XPR1: variants seen among roughly 807,000 people sequenced by gnomAD.
XPR1 encodes solute carrier family 53 member 1.
A neutral mutation model predicts 87.5 loss-of-function variants in XPR1; 28 were observed. The observed-to-expected ratio is 0.32, with a 90% CI of 0.24 to 0.44. XPR1 has a LOEUF of 0.44. Among genes scored for constraint, XPR1 ranks in the 20% least tolerant of loss-of-function variants. XPR1 has a pLI of 1.00. For synonymous variants in XPR1, 300 were observed against 306.1 expected (o/e 0.98, Z 0.21); for missense variants, 559 against 862.3 (o/e 0.65, Z 4.41).
intron 2 of XPR1, among the ~76,000 whole-genome samples, chr1:180,726,818 G>T (rs1658368291): frequency 2.0e-5 from 3 of 151,804 alleles, no homozygotes; most frequent in African/African-American, 7.3e-5. Context: ...ATGTTAACAT[G>T]TAATGGATTT....
intron 2 of XPR1, among the ~76,000 whole-genome samples, chr1:180,702,162 A>C (rs1458324694): frequency 1.2e-5 from 1 of 82,138 alleles, no homozygotes; most frequent in Non-Finnish European, 2.3e-5. Context: ...GTTTCAAAGA[A>C]CATCTTTATT....
intron 2 of XPR1, among the ~76,000 whole-genome samples, chr1:180,741,571 C>T (rs752899502): frequency 2.0e-5 from 3 of 152,000 alleles, no homozygotes; most frequent in African/African-American, 2.4e-5. Flanking sequence ...CTGCAACCTC[C>T]GCCTCCTGGG....
intron 2 of XPR1, among the ~76,000 whole-genome samples, chr1:180,726,288 G>A (rs926761048): frequency 7.2e-5 from 11 of 152,214 alleles, no homozygotes; most frequent in Non-Finnish European, 1.2e-4. Flanking sequence ...GGGAATAAAA[G>A]CTGGCCACCC....
intron 1 of XPR1, among the ~76,000 whole-genome samples, chr1:180,642,389 T>TAG (rs1654987348): frequency 6.6e-6 from 1 of 152,110 alleles, no homozygotes; most frequent in Non-Finnish European, 1.5e-5. Context: ...TGAAACCAGT[T>TAG]TACTAAGTAT....
chr1:180,634,123 C>T (rs11804145), intron 1 of XPR1, among the ~76,000 whole-genome samples: 1 of 152,174 alleles, frequency 6.6e-6, no homozygotes, highest in Admixed American at 6.5e-5. Flanking sequence ...TGGGACTCCT[C>T]ATTCACATAG....
chr1:180,820,726 T>C lies in XPR1; in HGVS notation c.764-4027T>C, dbSNP rs146498651. ...TCTGCACATCCTTGCCAACACTTGT[T>C]TTCTATGTTTTTGTTTTCTTCATTA... On this transcript the variant is annotated intron_variant, in intron 7 of 14. Transcript: ENST00000367590. Among the ~76,000 whole-genome samples, 25 of 152,334 alleles carry C rather than the reference T, an allele frequency of 1.6e-4. No individual in the cohort carries two copies. The East Asian group carries it at 4.8e-3, about 29-fold the overall frequency.
intron 2 of XPR1, among the ~76,000 whole-genome samples, chr1:180,785,746 G>A (rs1355512695): frequency 1.3e-5 from 2 of 151,798 alleles, no homozygotes; most frequent in Non-Finnish European, 2.9e-5. Context: ...TCTGTTAAGA[G>A]GAAAACACAG....
chr1:180,754,759 G>A (rs540323775), intron 2 of XPR1, among the ~76,000 whole-genome samples: 1 of 152,138 alleles, frequency 6.6e-6, no homozygotes, highest in African/African-American at 2.4e-5. Context: ...ATCGGGCCCG[G>A]CCTCCTTTCT....
intron 1 of XPR1, among the ~76,000 whole-genome samples, chr1:180,671,247 T>TA (rs1449104992): frequency 6.6e-6 from 1 of 152,194 alleles, no homozygotes; most frequent in Non-Finnish European, 1.5e-5. Context: ...AGAATCGGGC[T>TA]ACTGCTTTGG....
chr1:180,765,585 C>T (rs1648253148), intron 2 of XPR1, among the ~76,000 whole-genome samples: 1 of 152,112 alleles, frequency 6.6e-6, no homozygotes, highest in Non-Finnish European at 1.5e-5. Flanking sequence ...GCCCATGTTC[C>T]TTATATAAAA....
intron 1 of XPR1, among the ~76,000 whole-genome samples, chr1:180,671,630 T>G (rs1656178935): frequency 6.6e-6 from 1 of 152,144 alleles, no homozygotes. Flanking sequence ...GTTCAAATGA[T>G]TCTCTTGCCT....
intron 2 of XPR1, among the ~76,000 whole-genome samples, chr1:180,752,378 A>G (rs955016737): frequency 6.6e-6 from 1 of 152,160 alleles, no homozygotes; most frequent in African/African-American, 2.4e-5. Flanking sequence ...ATGCATATGA[A>G]AATTTGGATT....
At chr1:180,808,592 A>G (rs6672886) in intron 6 of XPR1, among the ~76,000 whole-genome samples, 6,552 of 152,274 alleles carry the variant, frequency 0.043, 504 homozygotes, top group African/African-American at 0.15. Flanking sequence ...AAGAACTCCA[A>G]TACTCAATAG....
At chr1:180,803,695 G>C (rs549559589) in intron 4 of XPR1, 84 bp downstream of exon 4, 2 of 1,197,808 alleles carry the variant, frequency 1.7e-6, no homozygotes, top group African/African-American at 3.0e-5. Flanking sequence ...AGTATTACCA[G>C]TGGGTCAGTT....
chr1:180,636,826 C>T lies in XPR1; in HGVS notation c.69+4556C>T, dbSNP rs551114061. Among the ~76,000 whole-genome samples, 6 of 152,106 alleles carry T rather than the reference C, an allele frequency of 3.9e-5. No homozygotes were observed. In the East Asian group the frequency reaches 1.2e-3, roughly 29 times the overall value. On this transcript the variant is annotated intron_variant, in intron 1 of 14. Transcript: ENST00000367590. ...CAGCACTTTGGGAGGCCGAGGCAGGCGGATCACTTGAGGTCAAGAGATTGA... is the reference window on the plus strand; with the variant it reads ...CAGCACTTTGGGAGGCCGAGGCAGGTGGATCACTTGAGGTCAAGAGATTGA...
intron 11 of XPR1, among the ~76,000 whole-genome samples, chr1:180,839,945 C>T (rs931397139): frequency 5.3e-5 from 8 of 151,272 alleles, no homozygotes; most frequent in Admixed American, 1.3e-4. Context: ...TGCCCTCGGC[C>T]GGGCGCGGTG....
intron 1 of XPR1, among the ~76,000 whole-genome samples, chr1:180,666,285 A>G (rs558530379): frequency 1.3e-5 from 2 of 152,322 alleles, no homozygotes; most frequent in East Asian, 1.9e-4. Flanking sequence ...TTGAGATTCC[A>G]TATGAATTTG....
chr1:180,772,477 G>T (rs1648552857), intron 2 of XPR1, among the ~76,000 whole-genome samples: 1 of 152,146 alleles, frequency 6.6e-6, no homozygotes, highest in Admixed American at 6.6e-5. Flanking sequence ...ATATGTGTGT[G>T]TGTGTGTCTG....
At chr1:180,835,128 G>A (rs1425716369) in intron 10 of XPR1, 83 bp downstream of exon 10, 2 of 1,434,532 alleles carry the variant, frequency 1.4e-6, no homozygotes, top group African/African-American at 2.9e-5. Context: ...GAAAGTTAAG[G>A]TCATGATGAA....
Sources: gnomAD v4.1 joint callset for allele counts (sites outside exome capture counted in the v4.1 genomes callset) on GRCh38, gnomAD v4.1.1 for gene constraint, MANE v1.5 for transcripts, NCBI Gene and HGNC (gene_info 2026-07-23, HGNC 2026-07-21) for gene names.